RARB: variants seen among roughly 807,000 people sequenced by gnomAD.
The protein encoded by RARB is HBV-activated protein.
A neutral mutation model predicts 51.9 loss-of-function variants in RARB; 17 were observed. The ratio of observed to expected loss-of-function variants is 0.33; its 90% CI spans 0.22 to 0.49. The LOEUF (loss-of-function observed/expected upper bound fraction) is 0.49. RARB is among the 20% of genes least tolerant of loss of function. RARB has a pLI of 0.99. For missense variants in RARB, 369 were observed against 550.8 expected, an observed-to-expected ratio of 0.67 and a Z score of 3.30; for synonymous variants, 215 against 195.4, an observed-to-expected ratio of 1.10 and a Z score of -0.84.
At chr3:25,509,145 C>T (rs1697758992) in intron 3 of RARB, among the ~76,000 whole-genome samples, 1 of 152,210 alleles carries the variant, frequency 6.6e-6, no homozygotes, top group Non-Finnish European at 1.5e-5. Flanking sequence ...TGAAGTTAGC[C>T]TGAGCTGAGG....
intron 2 of RARB, among the ~76,000 whole-genome samples, chr3:25,049,005 G>T (rs568841873): frequency 6.6e-6 from 1 of 152,200 alleles, no homozygotes; most frequent in South Asian, 2.1e-4. Flanking sequence ...ACCTGCCTCG[G>T]CCTCCCAGAG....
chr3:25,213,721 A>G (rs1701752499), intron 5 of RARB, among the ~76,000 whole-genome samples: 1 of 152,226 alleles, frequency 6.6e-6, no homozygotes, highest in African/African-American at 2.4e-5. Flanking sequence ...AACGGCAATG[A>G]GAGCTAGAAT....
At chr3:25,367,828 C>CAAAAAAAAAAAAAAAAA (rs1559374236) in intron 5 of RARB, among the ~76,000 whole-genome samples, 7 of 139,422 alleles carry the variant, frequency 5.0e-5, no homozygotes, top group African/African-American at 8.1e-5. Context: ...AAAAAAAAAA[C>CAAAAAAAAAAAAAAAAA]AAAAACAAAA....
intron 2 of RARB, among the ~76,000 whole-genome samples, chr3:24,893,752 T>G (rs946364999): frequency 1.3e-5 from 2 of 152,068 alleles, no homozygotes; most frequent in African/African-American, 4.8e-5. Context: ...CTCAGACTTC[T>G]GGACTCAAGC....
chr3:24,889,164 C>T (rs1703323668), intron 2 of RARB, among the ~76,000 whole-genome samples: 1 of 152,182 alleles, frequency 6.6e-6, no homozygotes, highest in Admixed American at 6.5e-5. Flanking sequence ...GAAATGCCAT[C>T]TCTTTTCCTT....
chr3:25,128,217 C>T (rs1467781061), intron 3 of RARB, among the ~76,000 whole-genome samples: 1 of 152,026 alleles, frequency 6.6e-6, no homozygotes, highest in East Asian at 1.9e-4. Context: ...AATGAATGTG[C>T]ATTTTGGAAT....
chr3:24,899,322 C>T (rs376551179), intron 2 of RARB, among the ~76,000 whole-genome samples: 6 of 152,198 alleles, frequency 3.9e-5, no homozygotes, highest in African/African-American at 1.2e-4. Context: ...GATTCTGTGG[C>T]GTATTCACAG....
intron 5 of RARB, among the ~76,000 whole-genome samples, chr3:25,197,026 A>C (rs1479634191): frequency 6.6e-6 from 1 of 151,742 alleles, no homozygotes; most frequent in African/African-American, 2.4e-5. Context: ...TTGCCTGTTC[A>C]CTCTCATGGT....
chr3:25,381,100 T>A (rs552021620), intron 5 of RARB, among the ~76,000 whole-genome samples: 1 of 152,312 alleles, frequency 6.6e-6, no homozygotes, highest in East Asian at 1.9e-4. Context: ...ATAATAATTA[T>A]TGAATCAAGG....
At chr3:25,024,131 C>A (rs1185574098) in intron 2 of RARB, among the ~76,000 whole-genome samples, 1 of 152,170 alleles carries the variant, frequency 6.6e-6, no homozygotes, top group Non-Finnish European at 1.5e-5. Flanking sequence ...ACAGCCTAAT[C>A]CCTGAGTCTC....
intron 4 of RARB, among the ~76,000 whole-genome samples, chr3:25,155,794 C>T (rs1700364116): frequency 6.6e-6 from 1 of 152,212 alleles, no homozygotes; most frequent in South Asian, 2.1e-4. Flanking sequence ...TGCTCTGCAG[C>T]CTGTCTGCTA....
intron 1 of RARB, among the ~76,000 whole-genome samples, chr3:25,437,418 A>C (rs1708482108): frequency 6.6e-6 from 1 of 152,218 alleles, no homozygotes; most frequent in Non-Finnish European, 1.5e-5. Context: ...GCCATTCAGC[A>C]AATGGCTCTT....
intron 5 of RARB, among the ~76,000 whole-genome samples, chr3:25,266,766 C>T (rs1575270782): frequency 6.6e-6 from 1 of 152,168 alleles, no homozygotes; most frequent in African/African-American, 2.4e-5. Context: ...GAGACAGAGA[C>T]ACCAGAACTT....
chr3:25,218,490 G>A (rs1349349712), intron 5 of RARB, among the ~76,000 whole-genome samples: 2 of 152,076 alleles, frequency 1.3e-5, no homozygotes, highest in Non-Finnish European at 2.9e-5. Context: ...TTTTCAAAGT[G>A]GAAGAAATTC....
chr3:24,872,037 T>G (rs191795342), intron 2 of RARB, among the ~76,000 whole-genome samples: 1 of 152,264 alleles, frequency 6.6e-6, no homozygotes, highest in African/African-American at 2.4e-5. Context: ...AATATAACCT[T>G]TTAGTGTTTC....
At chr3:24,929,154 T>G (rs1695389163) in intron 2 of RARB, among the ~76,000 whole-genome samples, 1 of 152,060 alleles carries the variant, frequency 6.6e-6, no homozygotes, top group African/African-American at 2.4e-5. Flanking sequence ...ATATATTTAA[T>G]TAGTAAACAA....
At chr3:24,899,443 G>A (rs924845576) in intron 2 of RARB, among the ~76,000 whole-genome samples, 1 of 152,138 alleles carries the variant, frequency 6.6e-6, no homozygotes, top group Non-Finnish European at 1.5e-5. Context: ...GAAAGGTTCC[G>A]TCACTGGCCA....
rs11129190 is a variant in RARB, at chr3:25,188,345, T to C, written c.178+13770T>C. On this transcript the variant is annotated intron_variant, in intron 5 of 11. Transcript: ENST00000383772. ...TAAATAAATGTGTTTAATAATTATT[T>C]ATGGAACTAATTTTAAAAAGGGAGA... Among the ~76,000 whole-genome samples, 80 of 152,262 alleles carry C rather than the reference T, an allele frequency of 5.3e-4. 1 individual carries two copies. In the East Asian group the frequency reaches 0.012, roughly 23 times the overall value.
intron 4 of RARB, among the ~76,000 whole-genome samples, chr3:25,157,295 T>A (rs1036180019): frequency 2.6e-5 from 4 of 151,946 alleles, no homozygotes; most frequent in Non-Finnish European, 5.9e-5. Flanking sequence ...ATGTTAACAA[T>A]ATTAACAATA....
Sources: gnomAD v4.1 joint callset for allele counts (sites outside exome capture counted in the v4.1 genomes callset) on GRCh38, gnomAD v4.1.1 for gene constraint, MANE v1.5 for transcripts, NCBI Gene and HGNC (gene_info 2026-07-23, HGNC 2026-07-21) for gene names.